Variants in BRIP1 observed in about 807,000 individuals in gnomAD.
The protein encoded by BRIP1 is BRCA1 interacting DNA helicase 1.
BRIP1 carries 88 observed loss-of-function variants against 119.7 expected under a neutral mutation model. The observed-to-expected ratio is 0.74, with a 90% CI of 0.62 to 0.88. The LOEUF (loss-of-function observed/expected upper bound fraction) is 0.88, where lower values mean the gene tolerates loss of function less well. BRIP1 is among the 40% of genes least tolerant of loss of function. The pLI is 0.00. For missense variants in BRIP1, 1,259 were observed against 1,455.4 expected (o/e 0.87, Z 2.20); for synonymous variants, 443 against 496.5 (o/e 0.89, Z 1.43).
At chr17:61,835,828 A>C (rs889465324) in intron 6 of BRIP1, among the ~76,000 whole-genome samples, 1 of 152,218 alleles carries the variant, frequency 6.6e-6, no homozygotes, top group African/African-American at 2.4e-5. Context: ...CTGATCAACT[A>C]TTTGGGAAAA....
At chr17:61,763,710 G>A (rs1278625932) in intron 14 of BRIP1, among the ~76,000 whole-genome samples, 4 of 151,986 alleles carry the variant, frequency 2.6e-5, no homozygotes, top group Admixed American at 6.6e-5. Flanking sequence ...TCTTAAAATC[G>A]AAGGCTAGAG....
At position 61,740,971 on chromosome 17, in the gene BRIP1, G is replaced by A. The variant is rs1172480983; in HGVS notation, c.2379+2042C>T. On this transcript the variant is annotated intron_variant, in intron 16 of 19. Transcript: ENST00000259008. The surrounding 1 kb of genome is among the most constrained non-coding windows in gnomAD (Gnocchi z 5.4). ...TCCTTTCACAATAGATTTCTCTGTG[G>A]CATAAGATGCTCTTTGATAGCATTT... Among the ~76,000 whole-genome samples the A allele has an allele frequency of 6.6e-6, 1 of 152,080 alleles. No individual in the cohort carries two copies. The highest frequency in any genetic ancestry group is 2.4e-5 in the African/African-American group (1 of 41,398).
Position 61,774,008 on chromosome 17 carries a change from C to T in BRIP1, c.2097+2393G>A, listed in dbSNP as rs2077497318. Among the ~76,000 whole-genome samples, 3 of 152,150 alleles carry T rather than the reference C, an allele frequency of 2.0e-5. No homozygotes were observed. On this transcript the variant is annotated intron_variant, in intron 14 of 19. Transcript: ENST00000259008. The surrounding 1 kb of genome is among the most constrained non-coding windows in gnomAD (Gnocchi z 5.8). ...TGGTGGGAGTATAAATTAGTTCAAC[C>T]ATTGTGGAAGACAGTGTGGCGATTC...
rs2078699849 is a variant in BRIP1 at position 61,844,422 on chromosome 17, AAAAAAT to A, written c.627+2673_627+2678del. The stretch of plus-strand genomic sequence containing the variant: ...CAACACAGTGAGACCTCATCTCTAC[AAAAAAT>A]AAAAATAAAAAATTAGCTGGGCATG... On this transcript the variant is annotated intron_variant, in intron 6 of 19. Transcript: ENST00000259008. This position sits in a 1 kb window ranked among gnomAD's most constrained non-coding sequence, Gnocchi z 4.7. 6.6e-6 allele frequency among the ~76,000 whole-genome samples: 1 copy of A among 152,102 alleles called. No homozygotes were observed. Among genetic ancestry groups the A allele is most frequent in the Admixed American group, 6.5e-5 (1 of 15,278 alleles).
rs963434448 is a variant in BRIP1, at chr17:61,846,374, G to A, written c.627+727C>T. On this transcript the variant is annotated intron_variant, in intron 6 of 19. Transcript: ENST00000259008. The surrounding 1 kb of genome is among the most constrained non-coding windows in gnomAD (Gnocchi z 4.3). ...TACAAATGTCAAGACAATCCAAAAG[G>A]CAATAATGTATTTTTTCCTTTTTTT... Among the ~76,000 whole-genome samples the A allele has an allele frequency of 5.9e-5, 9 of 151,598 alleles. No individual in the cohort carries two copies. The highest frequency in any genetic ancestry group is 2.2e-4 in the African/African-American group (9 of 41,386).
chr17:61,840,355 C>CAAAAAAAAA (rs11334899), intron 6 of BRIP1, among the ~76,000 whole-genome samples: 2 of 105,098 alleles, frequency 1.9e-5, no homozygotes, highest in African/African-American at 3.7e-5. Flanking sequence ...GACTCCGTCT[C>CAAAAAAAAA]AAAAAAAAAA....
In BRIP1 at chr17:61,684,003, T is replaced by C. The variant is rs769692303; in HGVS notation, c.3043A>G (p.Lys1015Glu). ...AGCTCAGGTGTTGCCTTCGGTATTT[T>C]ACCAGTAAAATACTGTCCCAAAGAA... is the stretch of plus-strand genomic sequence containing the variant. ...FNSLGQYFTG[K>E]IPKATPELGS... Residue 1015 changes from lysine to glutamate, a missense_variant, in exon 20 of 20, where the codon AAA (lysine) becomes GAA (glutamate). By Grantham distance (56) the Lys-to-Glu change is moderately conservative. Coordinates refer to ENST00000259008, the MANE Select transcript of BRIP1 (RefSeq NM_032043.3). The surrounding 1 kb of genome is among the most constrained non-coding windows in gnomAD (Gnocchi z 4.5). The C allele has an allele frequency of 1.9e-6, 3 of 1,614,174 alleles. No individual in the cohort carries two copies. The highest frequency in any genetic ancestry group is 1.7e-6 in the Non-Finnish European group (2 of 1,180,016).
Position 61,812,021 on chromosome 17 carries a change from A to G in BRIP1, c.628-3264T>C, listed in dbSNP as rs934133280. Among the ~76,000 whole-genome samples the G allele has an allele frequency of 7.2e-4, 109 of 152,306 alleles. 1 individual carries two copies. Among genetic ancestry groups the G allele is most frequent in the African/African-American group, 2.4e-3 (101 of 41,568 alleles). On this transcript the variant is annotated intron_variant, in intron 6 of 19. Coordinates refer to ENST00000259008, the MANE Select transcript of BRIP1 (RefSeq NM_032043.3). Reference sequence around the variant, plus strand: ...AGACAGAAAAACTGATTGTAGTAATATAACAAAGGCTTCAAAAAGTCACTT... The same window carrying G: ...AGACAGAAAAACTGATTGTAGTAATGTAACAAAGGCTTCAAAAAGTCACTT...
Position 61,744,647 on chromosome 17 carries a change from CT to C in BRIP1, c.2098-57del. ...TGTGTGTCTAGCTAAACAAACTTAA[CT>C]TCATTTGTTTAAGCCAATGTGACTA... On this transcript the variant is annotated intron_variant, in intron 14 of 19. Transcript: ENST00000259008. The surrounding 1 kb of genome is among the most constrained non-coding windows in gnomAD (Gnocchi z 5.0). The C allele has an allele frequency of 1.3e-6, 2 of 1,493,906 alleles. No individual in the cohort carries two copies. Among genetic ancestry groups the C allele is most frequent in the Non-Finnish European group, 1.9e-6 (2 of 1,071,904 alleles). 92.5% of individuals were successfully genotyped at this position (1,493,906 alleles called of 1,614,324 possible). A position where few individuals can be genotyped will look rare whatever the true frequency, so the allele number is the denominator to read the frequency against.
intron 9 of BRIP1, among the ~76,000 whole-genome samples, chr17:61,797,427 CA>C (rs1387394521): frequency 6.6e-6 from 1 of 151,864 alleles, no homozygotes; most frequent in African/African-American, 2.4e-5. Context: ...ATAAAAGAAA[CA>C]ATAACCTCTG....
Position 61,679,151 on chromosome 17 carries a change from G to A in BRIP1, c.*4145C>T, listed in dbSNP as rs916365936. On this transcript the variant is annotated 3_prime_UTR_variant, in exon 20 of 20. Transcript: ENST00000259008. This position sits in a 1 kb window ranked among gnomAD's most constrained non-coding sequence, Gnocchi z 4.4. The stretch of plus-strand genomic sequence containing the variant: ...CTAAAGAATTAAATATTTTAAATGC[G>A]TTTTAATATAGGAAAGTAATACAAA... Among the ~76,000 whole-genome samples the A allele has an allele frequency of 1.3e-5, 2 of 152,094 alleles. No homozygotes were observed. Among genetic ancestry groups the A allele is most frequent in the African/African-American group, 2.4e-5 (1 of 41,412 alleles).
Position 61,776,640 on chromosome 17 carries a change from A to G in BRIP1, c.1936-78T>C, listed in dbSNP as rs2145036763. ...TTAGTATTTATTTGGAAGTATGTAC[A>G]TAAAAGATCAAGCAACAAGTTTAAC... On this transcript the variant is annotated intron_variant, in intron 13 of 19. Transcript: ENST00000259008. This position sits in a 1 kb window ranked among gnomAD's most constrained non-coding sequence, Gnocchi z 5.0. The G allele has an allele frequency of 6.9e-7, 1 of 1,445,964 alleles. No homozygotes were observed. Among genetic ancestry groups the G allele is most frequent in the Admixed American group, 1.7e-5 (1 of 58,612 alleles). 89.6% of individuals were successfully genotyped at this position (1,445,964 alleles called of 1,614,324 possible).
At chr17:61,821,895 T>C (rs9905071) in intron 6 of BRIP1, among the ~76,000 whole-genome samples, 5,127 of 152,222 alleles carry the variant, frequency 0.034, 308 homozygotes, top group African/African-American at 0.12. Context: ...CAGGCCACCA[T>C]TTCATTCTCA....
At chr17:61,772,924 C>T (rs1331201603) in intron 14 of BRIP1, among the ~76,000 whole-genome samples, 1 of 151,548 alleles carries the variant, frequency 6.6e-6, no homozygotes, top group East Asian at 1.9e-4. Flanking sequence ...CCTGCGAAGC[C>T]TCTGGGGATG....
rs1342117449 is a variant in BRIP1, at chr17:61,713,162, CCTA to C, written c.2492+2786_2492+2788del. Among the ~76,000 whole-genome samples, 1 of 152,108 alleles carries C rather than the reference CCTA, an allele frequency of 6.6e-6. No individual in the cohort carries two copies. The highest frequency in any genetic ancestry group is 2.4e-5 in the African/African-American group (1 of 41,416). ...TTGTGGCGATGCTGGTGTAAACAAA[CCTA>C]CTGTGCTGCTAGTCTTATAAAAGTA... On this transcript the variant is annotated intron_variant, in intron 17 of 19. Transcript: ENST00000259008. The surrounding 1 kb of genome is among the most constrained non-coding windows in gnomAD (Gnocchi z 4.9).
In BRIP1 at chr17:61,761,121, T is replaced by C. The variant is rs1247756207; in HGVS notation, c.2097+15280A>G. Among the ~76,000 whole-genome samples, 2 of 152,030 alleles carry C rather than the reference T, an allele frequency of 1.3e-5. No individual in the cohort carries two copies. The highest frequency in any genetic ancestry group is 2.9e-5 in the Non-Finnish European group (2 of 67,910). Reference sequence around the variant, plus strand: ...CAACATATGTAAATCAATAAATGTATACAGCACATTAATAGAATGAAGGAC... The same window carrying C: ...CAACATATGTAAATCAATAAATGTACACAGCACATTAATAGAATGAAGGAC... On this transcript the variant is annotated intron_variant, in intron 14 of 19. Coordinates refer to ENST00000259008, the MANE Select transcript of BRIP1 (RefSeq NM_032043.3). The surrounding 1 kb of genome is among the most constrained non-coding windows in gnomAD (Gnocchi z 6.4).
At chr17:61,819,693 G>A (rs1444591745) in intron 6 of BRIP1, among the ~76,000 whole-genome samples, 1 of 152,088 alleles carries the variant, frequency 6.6e-6, no homozygotes, top group Admixed American at 6.6e-5. Flanking sequence ...GTGAACTCAT[G>A]GAGAGAGAGA....
Position 61,806,827 on chromosome 17 carries a change from A to G in BRIP1, c.918+1640T>C, listed in dbSNP as rs2078080860. Among the ~76,000 whole-genome samples, 1 of 152,130 alleles carries G rather than the reference A, an allele frequency of 6.6e-6. No individual in the cohort carries two copies. The highest frequency in any genetic ancestry group is 1.5e-5 in the Non-Finnish European group (1 of 68,016). ...ATTCTCATGCCTCAGCCTCCCAAGT[A>G]GCTGGGATTACAAGCATGCGCCACC... On this transcript the variant is annotated intron_variant, in intron 7 of 19. Transcript: ENST00000259008. The surrounding 1 kb of genome is among the most constrained non-coding windows in gnomAD (Gnocchi z 4.9).
intron 6 of BRIP1, among the ~76,000 whole-genome samples, chr17:61,840,063 T>C (rs747113222): frequency 1.3e-5 from 2 of 152,118 alleles, no homozygotes; most frequent in Admixed American, 6.5e-5. Context: ...TCAACAGATA[T>C]CAAAAGAATT....
Sources: gnomAD v4.1 joint callset for allele counts (sites outside exome capture counted in the v4.1 genomes callset) on GRCh38, gnomAD v4.1.1 for gene constraint, Gnocchi (gnomAD v3.1) non-coding constraint, MANE v1.5 for transcripts, NCBI Gene and HGNC (gene_info 2026-07-23, HGNC 2026-07-21) for gene names.